KLHL29: variants seen among roughly 807,000 people sequenced by gnomAD.
KLHL29 encodes the protein kelch like family member 29, also known as kelch-like protein 29.
Under a neutral mutation model 80.4 loss-of-function variants are expected in KLHL29, and 21 were observed. That is an observed-to-expected ratio of 0.26 (90% CI 0.19 to 0.38). The LOEUF is 0.38. KLHL29 is among the 10% of genes least tolerant of loss of function. The probability of loss-of-function intolerance (pLI) is 1.00; values close to 1 mark genes in which losing one functional copy is unlikely to be tolerated. For synonymous variants in KLHL29, 511 were observed against 526.8 expected, an observed-to-expected ratio of 0.97 and a Z score of 0.41; for missense variants, 867 against 1,223.9, an observed-to-expected ratio of 0.71 and a Z score of 4.35.
At chr2:23,412,148 G>C (rs1666881105) in intron 1 of KLHL29, among the ~76,000 whole-genome samples, 1 of 149,922 alleles carries the variant, frequency 6.7e-6, no homozygotes, top group Non-Finnish European at 1.5e-5. Context: ...GTGCGGTAGA[G>C]GTAGGATGGA....
chr2:23,533,843 T>G (rs565417906), intron 2 of KLHL29, among the ~76,000 whole-genome samples: 33 of 152,370 alleles, frequency 2.2e-4, no homozygotes, highest in African/African-American at 7.5e-4. Flanking sequence ...GTTTGGGCTA[T>G]TTTGTATCAA....
rs561537447 is a variant in KLHL29, at chr2:23,415,343, G to T, written c.-154+29563G>T. ...GCTCAGGTGCTGAGAACCTGCCCAG[G>T]AAGGAAAGGTGTTTCTTCTCTGTCT... On this transcript the variant is annotated intron_variant, in intron 1 of 13. Transcript: ENST00000486442. Among the ~76,000 whole-genome samples the T allele has an allele frequency of 5.5e-4, 84 of 152,360 alleles. No individual in the cohort carries two copies. In the South Asian group the frequency reaches 0.012, roughly 21 times the overall value.
At chr2:23,406,126 C>G (rs1210767070) in intron 1 of KLHL29, among the ~76,000 whole-genome samples, 1 of 151,986 alleles carries the variant, frequency 6.6e-6, no homozygotes, top group Admixed American at 6.6e-5. Context: ...GTCAGAAGTT[C>G]GATACCAGCC....
chr2:23,648,503 C>T lies in KLHL29; in HGVS notation c.940+5653C>T, dbSNP rs145262432. On this transcript the variant is annotated intron_variant, in intron 5 of 13. Transcript: ENST00000486442. The stretch of plus-strand genomic sequence containing the variant: ...CGTGAACAGAAGAAAATCCCCTTCT[C>T]CCATTGTAACGTTTGACAATCCTCC... Among the ~76,000 whole-genome samples the T allele has an allele frequency of 9.1e-4, 138 of 152,200 alleles. No individual in the cohort carries two copies. The Middle Eastern group carries it at 0.01, about 11-fold the overall frequency.
chr2:23,611,972 AAAG>A (rs568485087), intron 3 of KLHL29, among the ~76,000 whole-genome samples: 2 of 152,306 alleles, frequency 1.3e-5, no homozygotes, highest in South Asian at 4.2e-4. Flanking sequence ...AAATGCAAAA[AAAG>A]GCGGGGAGGT....
At chr2:23,663,069 G>A (rs2149170981) in intron 5 of KLHL29, among the ~76,000 whole-genome samples, 1 of 152,278 alleles carries the variant, frequency 6.6e-6, no homozygotes, top group Non-Finnish European at 1.5e-5. Flanking sequence ...GTCTCCGAGA[G>A]GGTGGCAGGT....
intron 2 of KLHL29, among the ~76,000 whole-genome samples, chr2:23,490,579 A>G (rs1454419487): frequency 6.6e-6 from 1 of 152,058 alleles, no homozygotes; most frequent in Non-Finnish European, 1.5e-5. Flanking sequence ...TTCTCAAACT[A>G]CTTGGCTCCA....
chr2:23,478,184 C>A lies in KLHL29; in HGVS notation c.-46+2517C>A, dbSNP rs368843182. Among the ~76,000 whole-genome samples the A allele has an allele frequency of 5.1e-4, 77 of 152,294 alleles. 1 individual carries two copies. In the South Asian group the frequency reaches 6.8e-3, roughly 14 times the overall value. On this transcript the variant is annotated intron_variant, in intron 2 of 13. Coordinates refer to ENST00000486442, the MANE Select transcript of KLHL29 (RefSeq NM_052920.2). ...CCTGATCTGTCTCTGTGTTCCGCTCCCTCTGCCACTCATACCAGTACCTGA... is the reference window on the plus strand; with the variant it reads ...CCTGATCTGTCTCTGTGTTCCGCTCACTCTGCCACTCATACCAGTACCTGA...
At chr2:23,510,368 A>T (rs936486197) in intron 2 of KLHL29, among the ~76,000 whole-genome samples, 5 of 152,124 alleles carry the variant, frequency 3.3e-5, no homozygotes, top group African/African-American at 1.2e-4. Flanking sequence ...GCATCCCAGG[A>T]CACCCTCCCT....
At chr2:23,652,015 G>A (rs1309442609) in intron 5 of KLHL29, among the ~76,000 whole-genome samples, 5 of 152,160 alleles carry the variant, frequency 3.3e-5, no homozygotes, top group Admixed American at 3.3e-4. Flanking sequence ...GGGGTAGGAG[G>A]GGACACATTT....
intron 3 of KLHL29, among the ~76,000 whole-genome samples, chr2:23,586,765 G>T (rs1265689173): frequency 6.6e-6 from 1 of 152,190 alleles, no homozygotes; most frequent in Admixed American, 6.5e-5. Flanking sequence ...GCCCCTCCTT[G>T]GTGCCCCTCA....
intron 1 of KLHL29, among the ~76,000 whole-genome samples, chr2:23,447,797 A>G (rs1395487179): frequency 6.6e-6 from 1 of 152,160 alleles, no homozygotes; most frequent in East Asian, 1.9e-4. Flanking sequence ...TATTTATCCC[A>G]ATAGATGTGA....
chr2:23,523,088 G>T (rs1666157930), intron 2 of KLHL29, among the ~76,000 whole-genome samples: 1 of 152,172 alleles, frequency 6.6e-6, no homozygotes, highest in Non-Finnish European at 1.5e-5. Flanking sequence ...GGGGGCAGAG[G>T]CATTCAGAAC....
chr2:23,508,048 G>T (rs1158218475), intron 2 of KLHL29, among the ~76,000 whole-genome samples: 1 of 152,212 alleles, frequency 6.6e-6, no homozygotes, highest in Non-Finnish European at 1.5e-5. Flanking sequence ...TCCTCATACG[G>T]TCCCTATTCT....
chr2:23,611,371 G>A (rs1668868420), intron 3 of KLHL29, among the ~76,000 whole-genome samples: 1 of 152,146 alleles, frequency 6.6e-6, no homozygotes, highest in Non-Finnish European at 1.5e-5. Context: ...GGGGCCAGTG[G>A]GTTCCAGTGA....
chr2:23,422,086 C>G (rs929133972), intron 1 of KLHL29, among the ~76,000 whole-genome samples: 1 of 149,770 alleles, frequency 6.7e-6, no homozygotes, highest in African/African-American at 2.5e-5. Flanking sequence ...TCTCCCTTTG[C>G]TGTCTGTATG....
rs187739662 is a variant in KLHL29, at chr2:23,550,901, G to T, written c.-45-11251G>T. Among the ~76,000 whole-genome samples the T allele has an allele frequency of 2.5e-3, 380 of 152,364 alleles. 2 individuals carry two copies. The highest frequency in any genetic ancestry group is 8.6e-3 in the African/African-American group (357 of 41,590). On this transcript the variant is annotated intron_variant, in intron 2 of 13. Coordinates refer to ENST00000486442, the MANE Select transcript of KLHL29 (RefSeq NM_052920.2). ...CTAGAATAATCAGGCATGCCTGAGA[G>T]GCGGCCCTGGGAGGGGGTAAGCCTG...
intron 5 of KLHL29, chr2:23,644,182 T>G (rs1669855294): frequency 6.6e-6 from 1 of 152,158 alleles, no homozygotes; most frequent in South Asian, 2.1e-4. Flanking sequence ...ACATCTAAAT[T>G]CTGGTAAACT....
chr2:23,497,430 G>A (rs980916420), intron 2 of KLHL29, among the ~76,000 whole-genome samples: 5 of 152,084 alleles, frequency 3.3e-5, no homozygotes, highest in Non-Finnish European at 7.4e-5. Flanking sequence ...CACATACCTG[G>A]ACCCTGTTAC....
Sources: gnomAD v4.1 joint callset for allele counts (sites outside exome capture counted in the v4.1 genomes callset) on GRCh38, gnomAD v4.1.1 for gene constraint, MANE v1.5 for transcripts, NCBI Gene and HGNC (gene_info 2026-07-23, HGNC 2026-07-21) for gene names.